NTN4: variants seen among roughly 807,000 people sequenced by gnomAD.
NTN4 encodes the protein netrin 4.
NTN4 carries 32 observed loss-of-function variants against 73.6 expected under a neutral mutation model. The ratio of observed to expected loss-of-function variants is 0.44; its 90% CI spans 0.33 to 0.58. NTN4 has a LOEUF of 0.58. Ranked by LOEUF, NTN4 falls within the 20% of genes least tolerant of loss-of-function variation. The pLI, the probability that NTN4 is intolerant of heterozygous loss-of-function variation, is 0.04. For synonymous variants in NTN4, 258 were observed against 287.5 expected (o/e 0.90, Z 1.04); for missense variants, 654 against 798.3 (o/e 0.82, Z 2.18).
At chr12:95,772,545 G>A (rs575437174) in intron 2 of NTN4, among the ~76,000 whole-genome samples, 6 of 152,052 alleles carry the variant, frequency 3.9e-5, no homozygotes, top group Non-Finnish European at 2.9e-5. Flanking sequence ...GGCCTCCTAC[G>A]TATCTCCATT....
chr12:95,753,562 T>C (rs374730513), intron 2 of NTN4, among the ~76,000 whole-genome samples: 5 of 148,930 alleles, frequency 3.4e-5, no homozygotes, highest in East Asian at 1.9e-4. Context: ...TACAGTCTGA[T>C]AACAGACCAG....
At chr12:95,671,642 G>A (rs2078231084) in intron 7 of NTN4, among the ~76,000 whole-genome samples, 1 of 152,128 alleles carries the variant, frequency 6.6e-6, no homozygotes, top group Admixed American at 6.6e-5. Context: ...GCCATCCATG[G>A]AAAAATTGTC....
At chr12:95,753,816 A>G (rs2078927640) in intron 2 of NTN4, among the ~76,000 whole-genome samples, 1 of 152,074 alleles carries the variant, frequency 6.6e-6, no homozygotes, top group Admixed American at 6.5e-5. Flanking sequence ...AAGCTCCTGT[A>G]TAGACGCTCC....
At chr12:95,721,714 T>C (rs1174321771) in intron 3 of NTN4, among the ~76,000 whole-genome samples, 2 of 152,240 alleles carry the variant, frequency 1.3e-5, no homozygotes, top group African/African-American at 4.8e-5. Flanking sequence ...GAATAAGAAG[T>C]ACACTGTGCA....
intron 5 of NTN4, among the ~76,000 whole-genome samples, chr12:95,705,211 T>G (rs530463189): frequency 6.6e-6 from 1 of 152,190 alleles, no homozygotes; most frequent in Non-Finnish European, 1.5e-5. Context: ...GTGGTCTTGA[T>G]GGAGTTTTCC....
chr12:95,688,981 C>T (rs953818255), intron 5 of NTN4, among the ~76,000 whole-genome samples: 1 of 152,104 alleles, frequency 6.6e-6, no homozygotes, highest in Non-Finnish European at 1.5e-5. Context: ...TCTCTTTCAT[C>T]TCTTTAACCA....
intron 2 of NTN4, among the ~76,000 whole-genome samples, chr12:95,785,412 A>G (rs2079160005): frequency 6.6e-6 from 1 of 152,240 alleles, no homozygotes; most frequent in Admixed American, 6.5e-5. Flanking sequence ...ATCTTTAAAA[A>G]TGTCCATCAT....
At chr12:95,741,489 C>T (rs1206201085) in intron 2 of NTN4, among the ~76,000 whole-genome samples, 1 of 112,960 alleles carries the variant, frequency 8.9e-6, no homozygotes, top group African/African-American at 3.3e-5. Context: ...TCCATGCCAA[C>T]CTGGAGGATT....
chr12:95,730,489 C>T (rs2078729680), intron 3 of NTN4, among the ~76,000 whole-genome samples: 1 of 152,192 alleles, frequency 6.6e-6, no homozygotes, highest in Non-Finnish European at 1.5e-5. Flanking sequence ...TAGAATGCCT[C>T]TGGTCCCAAA....
rs2078246983 is a variant in NTN4, at chr12:95,673,135, C to A, written c.1511-2989G>T. 6.2e-6 allele frequency: 5 copies of A among 805,702 alleles called. No homozygotes were observed. The South Asian group carries it at 7.2e-5, about 12-fold the overall frequency. The allele number at this position is 805,702 out of a possible 1,614,324, so 49.9% of individuals were successfully genotyped here. ...GCCTGGTGTGTCCCTCTGCTCATCC[C>A]TCCTGCACACGCCACACTGACCACA... On this transcript the variant is annotated intron_variant, in intron 7 of 9. Transcript: ENST00000343702.
At chr12:95,744,608 T>G (rs950702120) in intron 2 of NTN4, among the ~76,000 whole-genome samples, 2 of 152,192 alleles carry the variant, frequency 1.3e-5, no homozygotes, top group South Asian at 2.1e-4. Flanking sequence ...ATTACCTCTA[T>G]GTATATGTTA....
In NTN4 at chr12:95,775,643, C is replaced by T. The variant is rs993043965; in HGVS notation, c.585+11296G>A. On this transcript the variant is annotated intron_variant, in intron 2 of 9. Coordinates refer to ENST00000343702, the MANE Select transcript of NTN4 (RefSeq NM_021229.4). ...GCAGCCAGGCTGGGGGAGGGGTGCCCGCTATTGCTGAGGCTTGAGTAGGTA... is the reference window on the plus strand; with the variant it reads ...GCAGCCAGGCTGGGGGAGGGGTGCCTGCTATTGCTGAGGCTTGAGTAGGTA... 7.9e-5 allele frequency among the ~76,000 whole-genome samples: 12 copies of T among 152,296 alleles called. No individual in the cohort carries two copies. The East Asian group carries it at 1.4e-3, about 17-fold the overall frequency.
At chr12:95,770,992 G>GTTTCT (rs1555221591) in intron 2 of NTN4, among the ~76,000 whole-genome samples, 30 of 70,824 alleles carry the variant, frequency 4.2e-4, no homozygotes, top group African/African-American at 1.1e-3. Context: ...AAAAGAATTT[G>GTTTCT]TTTTTTTTTT....
At chr12:95,683,346 G>T in intron 6 of NTN4, 152 bp downstream of exon 6, 1 of 721,932 alleles carries the variant, frequency 1.4e-6, no homozygotes, top group East Asian at 2.7e-5. Context: ...ACAGGCGTGA[G>T]CCACCACGCC....
At chr12:95,728,798 G>A (rs2078714225) in intron 3 of NTN4, among the ~76,000 whole-genome samples, 1 of 152,130 alleles carries the variant, frequency 6.6e-6, no homozygotes, top group Non-Finnish European at 1.5e-5. Flanking sequence ...GGTGGGGCCT[G>A]GTGGGAGGCG....
chr12:95,783,255 CAA>C (rs954928037), intron 2 of NTN4, among the ~76,000 whole-genome samples: 1 of 152,118 alleles, frequency 6.6e-6, no homozygotes, highest in East Asian at 1.9e-4. Context: ...ACGAATTCTG[CAA>C]AAAGAGGGTT....
At chr12:95,757,835 A>G (rs2078958226) in intron 2 of NTN4, among the ~76,000 whole-genome samples, 1 of 152,244 alleles carries the variant, frequency 6.6e-6, no homozygotes, top group Non-Finnish European at 1.5e-5. Context: ...GGAGATTACA[A>G]AAACCTTTCT....
intron 7 of NTN4, chr12:95,673,106 C>T: frequency 1.8e-6 from 2 of 1,140,964 alleles, no homozygotes; most frequent in East Asian, 2.7e-5. Flanking sequence ...GGAGCACCCT[C>T]CTTGCCTGGT....
At chr12:95,760,119 G>A (rs1213788911) in intron 2 of NTN4, among the ~76,000 whole-genome samples, 2 of 152,152 alleles carry the variant, frequency 1.3e-5, no homozygotes, top group Non-Finnish European at 2.9e-5. Flanking sequence ...TTGAGATCAT[G>A]TTCAGCTTTT....
Sources: allele counts gnomAD v4.1 joint callset (sites outside exome capture counted in the v4.1 genomes callset), GRCh38; gene constraint gnomAD v4.1.1; transcripts MANE v1.5; gene names NCBI Gene and HGNC (gene_info 2026-07-23, HGNC 2026-07-21).